Variants in RPS6KA5 observed in about 807,000 individuals in gnomAD.
RPS6KA5 encodes the protein ribosomal protein S6 kinase A5.
A neutral mutation model predicts 85.5 loss-of-function variants in RPS6KA5; 27 were observed. That is an observed-to-expected ratio of 0.32 (90% CI 0.23 to 0.44). The LOEUF (loss-of-function observed/expected upper bound fraction) is 0.44. Among genes scored for constraint, RPS6KA5 ranks in the 20% least tolerant of loss-of-function variants. RPS6KA5 has a pLI of 1.00. For missense variants in RPS6KA5, 811 were observed against 980.9 expected (o/e 0.83, Z 2.31); for synonymous variants, 334 against 348.2 (o/e 0.96, Z 0.46).
chr14:90,982,591 T>C (rs766701296), intron 2 of RPS6KA5, among the ~76,000 whole-genome samples: 3 of 152,236 alleles, frequency 2.0e-5, no homozygotes, highest in Non-Finnish European at 2.9e-5. Flanking sequence ...CATCAAATGC[T>C]CAATTAGCAA....
chr14:91,009,336 A>T (rs548768220), intron 1 of RPS6KA5, among the ~76,000 whole-genome samples: 64 of 152,374 alleles, frequency 4.2e-4, no homozygotes, highest in African/African-American at 1.5e-3. Flanking sequence ...GAGAGCCCTC[A>T]CCAGACACTG....
chr14:91,035,972 T>A (rs1286233371), intron 1 of RPS6KA5, among the ~76,000 whole-genome samples: 2 of 122,224 alleles, frequency 1.6e-5, no homozygotes, highest in Admixed American at 8.0e-5. Flanking sequence ...AAAAAAATCC[T>A]GAAGCAGAAA....
chr14:90,878,163 T>C (rs1359112067), intron 14 of RPS6KA5, among the ~76,000 whole-genome samples: 2 of 152,370 alleles, frequency 1.3e-5, no homozygotes, highest in East Asian at 3.9e-4. Context: ...AGCAGAACTA[T>C]GTCTCATGTA....
At chr14:90,896,121 C>T (rs530926082) in intron 12 of RPS6KA5, among the ~76,000 whole-genome samples, 1 of 152,280 alleles carries the variant, frequency 6.6e-6, no homozygotes, top group East Asian at 1.9e-4. Flanking sequence ...GTGAACAACC[C>T]TTCTAACAAG....
chr14:90,880,304 C>T (rs889012865), intron 14 of RPS6KA5, among the ~76,000 whole-genome samples: 3 of 152,130 alleles, frequency 2.0e-5, no homozygotes, highest in African/African-American at 4.8e-5. Flanking sequence ...CCCACAACCC[C>T]GGCAACCACC....
At chr14:91,001,049 C>CTT in intron 2 of RPS6KA5, 39 bp downstream of exon 2, 13 of 1,057,428 alleles carry the variant, frequency 1.2e-5, no homozygotes, top group Non-Finnish European at 1.7e-5. Context: ...ATAATAAGTA[C>CTT]TTTTTTTTTT....
At chr14:90,908,468 C>T (rs966305880) in intron 7 of RPS6KA5, among the ~76,000 whole-genome samples, 1 of 152,102 alleles carries the variant, frequency 6.6e-6, no homozygotes, top group Admixed American at 6.5e-5. Context: ...TCTTGCCCCA[C>T]CCTGTGAAAA....
At chr14:90,883,469 C>T (rs1236811400) in intron 14 of RPS6KA5, among the ~76,000 whole-genome samples, 1 of 152,032 alleles carries the variant, frequency 6.6e-6, no homozygotes, top group African/African-American at 2.4e-5. Flanking sequence ...CTCCAGAATT[C>T]CTTTTCATTT....
intron 1 of RPS6KA5, among the ~76,000 whole-genome samples, chr14:91,003,107 A>G (rs1366322049): frequency 6.6e-6 from 1 of 152,150 alleles, no homozygotes; most frequent in Non-Finnish European, 1.5e-5. Flanking sequence ...TTTATTATGT[A>G]AAAAAGCTTA....
chr14:91,001,273 G>T, intron 1 of RPS6KA5, 114 bp from the exon 2 acceptor site: 2 of 632,994 alleles, frequency 3.2e-6, no homozygotes, highest in Non-Finnish European at 5.6e-6. Flanking sequence ...GATTAACCAG[G>T]GTTTGCTTTA....
At chr14:90,897,786 T>C (rs1475283746) in intron 12 of RPS6KA5, among the ~76,000 whole-genome samples, 1 of 152,232 alleles carries the variant, frequency 6.6e-6, no homozygotes, top group African/African-American at 2.4e-5. Flanking sequence ...GATGTAGTTA[T>C]GGGCACAGCT....
chr14:91,058,232 T>C lies in RPS6KA5; in HGVS notation c.103+2100A>G, dbSNP rs78337327. 1.5e-4 allele frequency among the ~76,000 whole-genome samples: 23 copies of C among 152,360 alleles called. No homozygotes were observed. In the East Asian group the frequency reaches 4.4e-3, roughly 29 times the overall value. ...AGTGTTCAGTAATAAATCAAAATGA[T>C]TGTTCGTTTCCTTTGACAGTTAACA... On this transcript the variant is annotated intron_variant, in intron 1 of 16. Coordinates refer to ENST00000614987, the MANE Select transcript of RPS6KA5 (RefSeq NM_004755.4).
rs2032496081 is a variant in RPS6KA5 at position 90,860,646 on chromosome 14, A to G, written c.*11428T>C. ...CTGAATGGAATGATTAGATGGGTAT[A>G]TTACATGATACATGAATTTTATCTT... On this transcript the variant is annotated 3_prime_UTR_variant, in exon 17 of 17. Coordinates refer to ENST00000614987, the MANE Select transcript of RPS6KA5 (RefSeq NM_004755.4). 6.6e-6 allele frequency: 1 copy of G among 152,196 alleles called. No individual in the cohort carries two copies. The highest frequency in any genetic ancestry group is 2.4e-5 in the African/African-American group (1 of 41,432). 9.4% of individuals were successfully genotyped at this position (152,196 alleles called of 1,614,324 possible).
intron 7 of RPS6KA5, among the ~76,000 whole-genome samples, chr14:90,919,963 C>T (rs1595216218): frequency 6.6e-6 from 1 of 152,076 alleles, no homozygotes; most frequent in East Asian, 1.9e-4. Flanking sequence ...CTGGGGCACA[C>T]CAAAATCATG....
chr14:90,923,672 A>G (rs993950643), intron 5 of RPS6KA5, among the ~76,000 whole-genome samples: 1 of 152,150 alleles, frequency 6.6e-6, no homozygotes, highest in African/African-American at 2.4e-5. Flanking sequence ...CCAAATTCTA[A>G]GAGGGGGAAT....
chr14:90,922,542 G>A (rs928252706), intron 6 of RPS6KA5, among the ~76,000 whole-genome samples: 8 of 152,152 alleles, frequency 5.3e-5, no homozygotes, highest in African/African-American at 7.2e-5. Flanking sequence ...TCTGCCTCCC[G>A]GGTTCAAACA....
intron 1 of RPS6KA5, among the ~76,000 whole-genome samples, chr14:91,024,388 T>C (rs2041910787): frequency 6.6e-6 from 1 of 152,230 alleles, no homozygotes; most frequent in Admixed American, 6.5e-5. Context: ...TATTCCTGTT[T>C]TTTTTCTACA....
In RPS6KA5 at chr14:90,862,784, C is replaced by G. The variant is rs1406279296; in HGVS notation, c.*9290G>C. ...AGTCTAGGTCTATCCTCCTTATGATCCAAAAATCTTAGGCAAAATATTAGC... is the reference window on the plus strand; with the variant it reads ...AGTCTAGGTCTATCCTCCTTATGATGCAAAAATCTTAGGCAAAATATTAGC... On this transcript the variant is annotated 3_prime_UTR_variant, in exon 17 of 17. Coordinates refer to ENST00000614987, the MANE Select transcript of RPS6KA5 (RefSeq NM_004755.4). 1 of 151,926 alleles carries G rather than the reference C, an allele frequency of 6.6e-6. No homozygotes were observed. Among genetic ancestry groups the G allele is most frequent in the Admixed American group, 6.6e-5 (1 of 15,224 alleles). The allele number at this position is 151,926 out of a possible 1,614,324, so 9.4% of individuals were successfully genotyped here.
intron 14 of RPS6KA5, among the ~76,000 whole-genome samples, chr14:90,888,392 T>C (rs1595132240): frequency 6.6e-6 from 1 of 152,202 alleles, no homozygotes; most frequent in African/African-American, 2.4e-5. Flanking sequence ...CTCTTTTTTA[T>C]TTAGATTAAT....
Sources: allele counts gnomAD v4.1 joint callset (sites outside exome capture counted in the v4.1 genomes callset), GRCh38; gene constraint gnomAD v4.1.1; transcripts MANE v1.5; gene names NCBI Gene and HGNC (gene_info 2026-07-23, HGNC 2026-07-21).